NELL1: variants seen among roughly 807,000 people sequenced by gnomAD.
NELL1 encodes the protein neural EGFL like 1, also known as protein kinase C-binding protein NELL1.
In NELL1, 76 loss-of-function variants were observed where a neutral mutation model predicts 107.4. The observed-to-expected ratio is 0.71, with a 90% CI of 0.59 to 0.86. The LOEUF is 0.86. Among genes scored for constraint, NELL1 ranks in the 40% least tolerant of loss-of-function variants. The probability of loss-of-function intolerance (pLI) is 0.00; values close to 1 mark genes in which losing one functional copy is unlikely to be tolerated. For missense variants in NELL1, 1,024 were observed against 1,005.5 expected, an observed-to-expected ratio of 1.02 and a Z score of -0.25; for synonymous variants, 353 against 341.2, an observed-to-expected ratio of 1.03 and a Z score of -0.38.
intron 12 of NELL1, among the ~76,000 whole-genome samples, chr11:21,070,387 GT>G (rs1400262517): frequency 6.6e-6 from 1 of 152,078 alleles, no homozygotes; most frequent in Non-Finnish European, 1.5e-5. Context: ...TTAATCTAGA[GT>G]TTTTTATACT....
At chr11:21,295,263 A>G (rs1302330580) in intron 14 of NELL1, among the ~76,000 whole-genome samples, 1 of 152,126 alleles carries the variant, frequency 6.6e-6, no homozygotes, top group Non-Finnish European at 1.5e-5. Context: ...GCACTGGAGT[A>G]TAACCATACT....
At chr11:21,517,822 G>A (rs1166622967) in intron 15 of NELL1, among the ~76,000 whole-genome samples, 1 of 152,070 alleles carries the variant, frequency 6.6e-6, no homozygotes, top group African/African-American at 2.4e-5. Context: ...ACATACTAAA[G>A]TGGTTTTTCA....
At chr11:21,106,220 G>A (rs547813944) in intron 12 of NELL1, among the ~76,000 whole-genome samples, 4 of 152,098 alleles carry the variant, frequency 2.6e-5, no homozygotes, top group African/African-American at 7.2e-5. Flanking sequence ...GTGGAGTTGT[G>A]CTGCCTGAAC....
intron 15 of NELL1, among the ~76,000 whole-genome samples, chr11:21,373,630 T>C (rs768004076): frequency 2.3e-4 from 35 of 152,208 alleles, no homozygotes; most frequent in Middle Eastern, 6.8e-3. Flanking sequence ...TTAAAGAAAA[T>C]TCCTGTCTGA....
At chr11:21,374,570 C>G (rs1360318021) in intron 15 of NELL1, among the ~76,000 whole-genome samples, 4 of 151,996 alleles carry the variant, frequency 2.6e-5, no homozygotes, top group Non-Finnish European at 4.4e-5. Context: ...CTCACTCTAG[C>G]CCACACTCAA....
In NELL1 at chr11:21,522,585, T is replaced by TGG. The variant is rs1208863292; in HGVS notation, c.1646-11788_1646-11787dup. Reference sequence around the variant, plus strand: ...AAGGTGTGCGGGGTGGGAGGGGAGGTGGATGATGAGAAATTACTTAACTGG... The same window carrying TGG: ...AAGGTGTGCGGGGTGGGAGGGGAGGTGGGGATGATGAGAAATTACTTAACTGG... On this transcript the variant is annotated intron_variant, in intron 15 of 19. Coordinates refer to ENST00000357134, the MANE Select transcript of NELL1 (RefSeq NM_006157.5). Among the ~76,000 whole-genome samples the TGG allele has an allele frequency of 6.6e-5, 10 of 151,550 alleles. No individual in the cohort carries two copies. In the East Asian group the frequency reaches 1.4e-3, roughly 21 times the overall value.
chr11:21,320,240 T>A (rs761001171), intron 14 of NELL1, among the ~76,000 whole-genome samples: 3 of 152,178 alleles, frequency 2.0e-5, no homozygotes, highest in African/African-American at 7.2e-5. Context: ...TGAGCCTGTG[T>A]CACTGTGTAT....
At position 21,110,608 on chromosome 11, in the gene NELL1, A is replaced by G. The variant is rs150331081; in HGVS notation, c.1301-2981A>G. ...GTTGACAAGGGTCCATGACAGGGAAACATTCATTGCAGTCAGCAGGCTGGC... is the reference window on the plus strand; with the variant it reads ...GTTGACAAGGGTCCATGACAGGGAAGCATTCATTGCAGTCAGCAGGCTGGC... On this transcript the variant is annotated intron_variant, in intron 12 of 19. Transcript: ENST00000357134. Among the ~76,000 whole-genome samples, 240 of 152,232 alleles carry G rather than the reference A, an allele frequency of 1.6e-3. 2 individuals are homozygous for G. The highest frequency in any genetic ancestry group is 4.8e-3 in the Admixed American group (74 of 15,284).
intron 2 of NELL1, among the ~76,000 whole-genome samples, chr11:20,708,277 G>C (rs760890454): frequency 6.6e-6 from 1 of 152,212 alleles, no homozygotes; most frequent in African/African-American, 2.4e-5. Flanking sequence ...GGAATTCCCC[G>C]ATCCCTTGCA....
intron 5 of NELL1, among the ~76,000 whole-genome samples, chr11:20,912,681 T>G (rs1449493209): frequency 1.3e-5 from 2 of 152,260 alleles, no homozygotes; most frequent in Non-Finnish European, 2.9e-5. Flanking sequence ...ACCTTTCCCT[T>G]ACCTGGACAT....
chr11:20,995,334 C>T (rs1852066240), intron 12 of NELL1, among the ~76,000 whole-genome samples: 1 of 152,066 alleles, frequency 6.6e-6, no homozygotes, highest in African/African-American at 2.4e-5. Flanking sequence ...GTAATCCCAG[C>T]ACTTTGGGAG....
At chr11:20,846,659 T>G (rs1848706843) in intron 3 of NELL1, among the ~76,000 whole-genome samples, 1 of 147,386 alleles carries the variant, frequency 6.8e-6, no homozygotes, top group Non-Finnish European at 1.5e-5. Flanking sequence ...GTATGTTTAA[T>G]CCTTAATCTC....
chr11:20,988,387 G>GTA (rs932670680), intron 12 of NELL1, among the ~76,000 whole-genome samples: 5 of 148,956 alleles, frequency 3.4e-5, no homozygotes, highest in Admixed American at 6.7e-5. Context: ...ATATATATGT[G>GTA]TATATATATA....
chr11:20,992,708 CATTTTT>C (rs1852001703), intron 12 of NELL1, among the ~76,000 whole-genome samples: 1 of 104,948 alleles, frequency 9.5e-6, no homozygotes, highest in African/African-American at 3.7e-5. Flanking sequence ...GCAAAAGTGG[CATTTTT>C]TTTTTTTTTT....
intron 14 of NELL1, among the ~76,000 whole-genome samples, chr11:21,271,206 T>C (rs1331101990): frequency 6.6e-6 from 1 of 152,020 alleles, no homozygotes; most frequent in African/African-American, 2.4e-5. Context: ...AAATAAAACC[T>C]AGTTCTTTGA....
At chr11:21,468,795 C>A (rs1260855489) in intron 15 of NELL1, among the ~76,000 whole-genome samples, 1 of 152,004 alleles carries the variant, frequency 6.6e-6, no homozygotes, top group South Asian at 2.1e-4. Flanking sequence ...ATATGTTCAC[C>A]CAGAGACAGG....
At chr11:20,823,135 A>G (rs1402884831) in intron 3 of NELL1, among the ~76,000 whole-genome samples, 1 of 151,470 alleles carries the variant, frequency 6.6e-6, no homozygotes, top group Non-Finnish European at 1.5e-5. Flanking sequence ...TTACAAAAGA[A>G]AGAAGTTTAA....
chr11:20,970,561 C>T lies in NELL1; in HGVS notation c.1300+10001C>T, dbSNP rs79597067. Among the ~76,000 whole-genome samples, 866 of 152,256 alleles carry T rather than the reference C, an allele frequency of 5.7e-3. 12 individuals are homozygous for T. The highest frequency in any genetic ancestry group is 0.02 in the African/African-American group (820 of 41,538). On this transcript the variant is annotated intron_variant, in intron 12 of 19. Coordinates refer to ENST00000357134, the MANE Select transcript of NELL1 (RefSeq NM_006157.5). ...AATACATTCTGCCAATAGGAGTCAG[C>T]ACAGGCTGCCCAGAGGAAGTGACAT...
At chr11:20,939,507 T>C (rs576182532) in intron 10 of NELL1, among the ~76,000 whole-genome samples, 1 of 152,244 alleles carries the variant, frequency 6.6e-6, no homozygotes, top group East Asian at 1.9e-4. Flanking sequence ...GAGTCACTTA[T>C]ACAAGATTTA....
Sources: gnomAD v4.1 joint callset for allele counts (sites outside exome capture counted in the v4.1 genomes callset) on GRCh38, gnomAD v4.1.1 for gene constraint, MANE v1.5 for transcripts, NCBI Gene and HGNC (gene_info 2026-07-23, HGNC 2026-07-21) for gene names.